SNX18: variants seen among roughly 807,000 people sequenced by gnomAD.
SNX18 encodes sorting nexin 18, also known as sorting nexin-18.
Under a neutral mutation model 48.7 loss-of-function variants are expected in SNX18, and 35 were observed. The ratio of observed to expected loss-of-function variants is 0.72; its 90% CI spans 0.55 to 0.95. The LOEUF (loss-of-function observed/expected upper bound fraction) is 0.95. SNX18 is among the 40% of genes least tolerant of loss of function. SNX18 has a pLI of 0.00. For synonymous variants in SNX18, 492 were observed against 384.7 expected (o/e 1.28, Z -3.26); for missense variants, 824 against 871.0 (o/e 0.95, Z 0.68).
At chr5:54,641,142 G>T in the SNX18 span, among the ~76,000 whole-genome samples, 1 of 152,030 alleles carries the variant, frequency 6.6e-6, no homozygotes, top group Non-Finnish European at 1.5e-5. Context: ...TTCTTTTCTT[G>T]AGACTCACCC....
At chr5:54,538,014 C>T (rs1762389204) in intron 1 of SNX18, among the ~76,000 whole-genome samples, 1 of 152,202 alleles carries the variant, frequency 6.6e-6, no homozygotes, top group Non-Finnish European at 1.5e-5. Context: ...TCTAACTCTG[C>T]TCCAGTAGTT....
chr5:54,575,212 A>T, the SNX18 span, among the ~76,000 whole-genome samples: 1 of 152,022 alleles, frequency 6.6e-6, no homozygotes, highest in Non-Finnish European at 1.5e-5. Flanking sequence ...CCCCAAAGCC[A>T]CCACGCCGGA....
chr5:54,573,346 C>T, the SNX18 span, among the ~76,000 whole-genome samples: 6 of 152,126 alleles, frequency 3.9e-5, no homozygotes, highest in Non-Finnish European at 7.4e-5. Flanking sequence ...ACTTCAGACT[C>T]ACCCTGAATT....
the SNX18 span, among the ~76,000 whole-genome samples, chr5:54,560,920 G>T: frequency 2.6e-5 from 4 of 152,190 alleles, no homozygotes; most frequent in South Asian, 6.2e-4. Context: ...AGGGAACCAG[G>T]CTGGTAATTG....
intron 1 of SNX18, among the ~76,000 whole-genome samples, chr5:54,521,947 G>GTATCATTT (rs1185447349): frequency 6.6e-6 from 1 of 152,104 alleles, no homozygotes; most frequent in Non-Finnish European, 1.5e-5. Flanking sequence ...ATTAAAACCA[G>GTATCATTT]TATCATTTTA....
the SNX18 span, among the ~76,000 whole-genome samples, chr5:54,637,581 C>A: frequency 1.9e-3 from 296 of 152,216 alleles, no homozygotes; most frequent in African/African-American, 6.9e-3. Flanking sequence ...AAAAATAGTA[C>A]ATACTAGGTA....
intron 1 of SNX18, among the ~76,000 whole-genome samples, chr5:54,524,294 G>T (rs1191015328): frequency 6.6e-6 from 1 of 152,190 alleles, no homozygotes; most frequent in Non-Finnish European, 1.5e-5. Flanking sequence ...ATACCACACC[G>T]TCAGGGGTTT....
the SNX18 span, among the ~76,000 whole-genome samples, chr5:54,618,438 G>A: frequency 5.3e-5 from 8 of 152,136 alleles, no homozygotes; most frequent in African/African-American, 1.9e-4. Context: ...CAGAGTCCCA[G>A]GTCATGGTCT....
the SNX18 span, among the ~76,000 whole-genome samples, chr5:54,609,602 G>T: frequency 1.3e-5 from 2 of 151,986 alleles, no homozygotes; most frequent in African/African-American, 4.8e-5. Flanking sequence ...ATAAAAAACT[G>T]AAAAAGCCTC....
chr5:54,558,588 A>G, the SNX18 span, among the ~76,000 whole-genome samples: 3 of 152,190 alleles, frequency 2.0e-5, no homozygotes, highest in South Asian at 6.2e-4. Context: ...GCCCTTGATG[A>G]TATCATATAA....
the SNX18 span, among the ~76,000 whole-genome samples, chr5:54,551,835 G>A: frequency 2.4e-4 from 36 of 152,242 alleles, no homozygotes; most frequent in South Asian, 4.2e-4. Flanking sequence ...GGAGCACACC[G>A]GGCCCAGAGC....
the SNX18 span, among the ~76,000 whole-genome samples, chr5:54,627,793 G>A: frequency 5.5e-3 from 844 of 152,278 alleles, 5 homozygotes; most frequent in African/African-American, 0.019. Flanking sequence ...CTCCCTAGGG[G>A]ACTACATCCC....
chr5:54,573,643 C>T, the SNX18 span, among the ~76,000 whole-genome samples: 36 of 152,146 alleles, frequency 2.4e-4, 1 homozygote, highest in African/African-American at 7.9e-4. Context: ...TGAGGGCTGT[C>T]GGGTGTCAGG....
At chr5:54,542,103 C>T (rs1040636972) in intron 1 of SNX18, among the ~76,000 whole-genome samples, 6 of 152,148 alleles carry the variant, frequency 3.9e-5, no homozygotes, top group Non-Finnish European at 7.3e-5. Flanking sequence ...TAGGCACAGT[C>T]GGGAAATCTG....
At chr5:54,640,430 C>T in the SNX18 span, among the ~76,000 whole-genome samples, 3 of 151,978 alleles carry the variant, frequency 2.0e-5, no homozygotes, top group African/African-American at 4.8e-5. Context: ...TGCCATGTTG[C>T]CCAGGCTAGC....
At chr5:54,644,800 G>A in the SNX18 span, 74 of 152,428 alleles carry the variant, frequency 4.9e-4, no homozygotes, top group African/African-American at 1.7e-3. Flanking sequence ...GGATAGTAAA[G>A]CAGAAAGATA....
chr5:54,588,842 C>T, the SNX18 span, among the ~76,000 whole-genome samples: 1 of 152,096 alleles, frequency 6.6e-6, no homozygotes, highest in Non-Finnish European at 1.5e-5. Flanking sequence ...TCTGAACTAC[C>T]TCAAGCTAGT....
Position 54,517,958 on chromosome 5 carries a change from G to T in SNX18, c.6G>T (p.Ala2=). Residue 2 remains alanine (A), a synonymous_variant, in exon 1 of 2, where the codon GCG becomes GCT. Transcript: ENST00000381410. ...CCAGTCGGGGCGCCGGGACCATGGC[G>T]CTGCGCGCCCGGGCGCTGTACGACT... M[A]LRARALYDFR... is the part of the protein sequence containing the mutation. 5.3e-6 allele frequency: 8 copies of T among 1,513,066 alleles called. No individual in the cohort carries two copies. The highest frequency in any genetic ancestry group is 6.2e-6 in the Non-Finnish European group (7 of 1,133,806). The allele number at this position is 1,513,066 out of a possible 1,614,324, so 93.7% of individuals were successfully genotyped here.
At chr5:54,584,811 G>A in the SNX18 span, among the ~76,000 whole-genome samples, 1 of 152,158 alleles carries the variant, frequency 6.6e-6, no homozygotes, top group East Asian at 1.9e-4. Flanking sequence ...GGCTGGTCTT[G>A]GAAGAAGACC....
Sources: gnomAD v4.1 joint callset for allele counts (sites outside exome capture counted in the v4.1 genomes callset) on GRCh38, gnomAD v4.1.1 for gene constraint, MANE v1.5 for transcripts, NCBI Gene and HGNC (gene_info 2026-07-23, HGNC 2026-07-21) for gene names.